CTNNA3: variants seen among roughly 807,000 people sequenced by gnomAD.
The protein encoded by CTNNA3 is catenin alpha 3, also known as catenin alpha-3.
Under a neutral mutation model 95.7 loss-of-function variants are expected in CTNNA3, and 76 were observed. The observed-to-expected ratio is 0.79, with a 90% CI of 0.66 to 0.96. CTNNA3 has a LOEUF of 0.96. Among genes scored for constraint, CTNNA3 ranks in the 40% least tolerant of loss-of-function variants. CTNNA3 has a pLI of 0.00. For synonymous variants in CTNNA3, 431 were observed against 374.4 expected (o/e 1.15, Z -1.74); for missense variants, 1,191 against 1,089.8 (o/e 1.09, Z -1.31).
intron 7 of CTNNA3, among the ~76,000 whole-genome samples, chr10:67,140,619 G>A (rs941595451): frequency 6.6e-6 from 1 of 152,162 alleles, no homozygotes; most frequent in Admixed American, 6.5e-5. Context: ...CAGCTAAAAT[G>A]TATGAAAAGC....
chr10:66,443,855 T>C (rs1294722128), intron 11 of CTNNA3, among the ~76,000 whole-genome samples: 1 of 152,146 alleles, frequency 6.6e-6, no homozygotes, highest in East Asian at 1.9e-4. Flanking sequence ...AGAAGAAGGC[T>C]TCAGACGATC....
intron 5 of CTNNA3, among the ~76,000 whole-genome samples, chr10:67,339,325 C>T (rs1842099738): frequency 6.6e-6 from 1 of 152,228 alleles, no homozygotes; most frequent in Admixed American, 6.5e-5. Context: ...TTGGGCAAAG[C>T]TAATGACTTA....
chr10:65,921,947 T>TTGACATAA lies in CTNNA3; in HGVS notation c.2401-1331_2401-1330insTTATGTCA, dbSNP rs556987121. 3.5e-3 allele frequency among the ~76,000 whole-genome samples: 531 copies of TTGACATAA among 152,290 alleles called. 3 individuals carry two copies. Among genetic ancestry groups the TTGACATAA allele is most frequent in the African/African-American group, 0.012 (486 of 41,554 alleles). On this transcript the variant is annotated intron_variant, in intron 17 of 17. Coordinates refer to ENST00000433211, the MANE Select transcript of CTNNA3 (RefSeq NM_013266.4). ...AATTGCTAATATCTATTATATGCTG[T>TTGACATAA]AGTATGCAGTTGACATAAAGTAACT...
rs1564896940 is a variant in CTNNA3, at chr10:66,360,764, C to CT, written c.1732+18387dup. ...TCTTTCTTCCTTCCTTCCTTCCTTC[C>CT]TTCCTTTTCTTTCTTTCTTTCTTCC... On this transcript the variant is annotated intron_variant, in intron 12 of 17. Coordinates refer to ENST00000433211, the MANE Select transcript of CTNNA3 (RefSeq NM_013266.4). Among the ~76,000 whole-genome samples, 891 of 95,480 alleles carry CT rather than the reference C, an allele frequency of 9.3e-3. 112 individuals are homozygous for CT. Among genetic ancestry groups the CT allele is most frequent in the Middle Eastern group, 0.024 (4 of 168 alleles). The allele number at this position is 95,480 out of a possible 152,430, so 62.6% of individuals were successfully genotyped here. A position where few individuals can be genotyped will look rare whatever the true frequency, so the allele number is the denominator to read the frequency against.
chr10:66,559,646 G>A (rs1842492956), intron 10 of CTNNA3, among the ~76,000 whole-genome samples: 1 of 151,790 alleles, frequency 6.6e-6, no homozygotes, highest in Non-Finnish European at 1.5e-5. Context: ...CCCCCCGCTC[G>A]GGTATCACGA....
At chr10:67,357,519 A>G (rs1022890201) in intron 5 of CTNNA3, among the ~76,000 whole-genome samples, 1 of 152,142 alleles carries the variant, frequency 6.6e-6, no homozygotes, top group African/African-American at 2.4e-5. Flanking sequence ...AAAACCTAAC[A>G]ACACAACTGA....
intron 7 of CTNNA3, among the ~76,000 whole-genome samples, chr10:67,021,864 G>C (rs1234774290): frequency 6.6e-6 from 1 of 152,132 alleles, no homozygotes; most frequent in Non-Finnish European, 1.5e-5. Context: ...CAGGAGTGAA[G>C]TACTAGGAGT....
chr10:66,799,358 T>C lies in CTNNA3; in HGVS notation c.1048-23834A>G, dbSNP rs944971287. On this transcript the variant is annotated intron_variant, in intron 7 of 17. Coordinates refer to ENST00000433211, the MANE Select transcript of CTNNA3 (RefSeq NM_013266.4). ...TAATTAATATTTCAATAAAAATGAG[T>C]AATAGAGAGACAAAATGTATGAAAA... 3.4e-4 allele frequency among the ~76,000 whole-genome samples: 52 copies of C among 151,228 alleles called. 4 individuals carry two copies.
intron 13 of CTNNA3, among the ~76,000 whole-genome samples, chr10:66,128,928 G>A (rs1403833190): frequency 6.6e-6 from 1 of 151,492 alleles, no homozygotes; most frequent in Non-Finnish European, 1.5e-5. Flanking sequence ...CAATTCTGCT[G>A]TGAACCTAAA....
At chr10:67,671,651 T>C (rs1317174303) in intron 1 of CTNNA3, among the ~76,000 whole-genome samples, 1 of 151,738 alleles carries the variant, frequency 6.6e-6, no homozygotes, top group African/African-American at 2.4e-5. Flanking sequence ...AGAATGATGG[T>C]TTCCAGTTTC....
At chr10:66,310,657 G>A (rs899359755) in intron 12 of CTNNA3, among the ~76,000 whole-genome samples, 2 of 148,886 alleles carry the variant, frequency 1.3e-5, no homozygotes, top group African/African-American at 4.9e-5. Flanking sequence ...CCATATTCCA[G>A]TTGAGCAATA....
intron 7 of CTNNA3, among the ~76,000 whole-genome samples, chr10:66,883,930 GT>G (rs775234890): frequency 2.0e-5 from 3 of 152,006 alleles, no homozygotes; most frequent in African/African-American, 4.8e-5. Flanking sequence ...TTTAAAAAAA[GT>G]TTATTTGACT....
intron 17 of CTNNA3, among the ~76,000 whole-genome samples, chr10:65,954,542 C>A (rs1433347556): frequency 6.6e-6 from 1 of 152,176 alleles, no homozygotes; most frequent in Admixed American, 6.5e-5. Flanking sequence ...AGTCTTTAAT[C>A]CATCTTGACT....
At chr10:67,101,617 T>C (rs1858348424) in intron 7 of CTNNA3, among the ~76,000 whole-genome samples, 1 of 151,716 alleles carries the variant, frequency 6.6e-6, no homozygotes, top group African/African-American at 2.4e-5. Flanking sequence ...CTATACAGAT[T>C]AATACAAATT....
chr10:67,318,133 C>G (rs1023719581), intron 5 of CTNNA3, among the ~76,000 whole-genome samples: 1 of 151,952 alleles, frequency 6.6e-6, no homozygotes. Context: ...TGTTTTACCC[C>G]CTACTTACTC....
chr10:67,722,904 G>A (rs2133620696), intron 1 of CTNNA3, among the ~76,000 whole-genome samples: 1 of 151,472 alleles, frequency 6.6e-6, no homozygotes, highest in South Asian at 2.1e-4. Context: ...GATTTCTTAT[G>A]ATAAAGAAAC....
intron 13 of CTNNA3, among the ~76,000 whole-genome samples, chr10:66,136,654 G>A (rs563073971): frequency 6.6e-6 from 1 of 152,172 alleles, no homozygotes; most frequent in East Asian, 1.9e-4. Flanking sequence ...TGTAATTACT[G>A]CACAATGGCC....
chr10:67,240,704 T>G (rs1009401902), intron 5 of CTNNA3, among the ~76,000 whole-genome samples: 1 of 152,190 alleles, frequency 6.6e-6, no homozygotes, highest in Non-Finnish European at 1.5e-5. Context: ...GTGTGCATTC[T>G]GGGCCATTAA....
At chr10:67,437,180 A>T (rs1047026429) in intron 5 of CTNNA3, among the ~76,000 whole-genome samples, 17 of 152,290 alleles carry the variant, frequency 1.1e-4, no homozygotes, top group African/African-American at 4.1e-4. Flanking sequence ...AGCGACCTGG[A>T]TGAGATTGGA....
Sources: allele counts gnomAD v4.1 joint callset (sites outside exome capture counted in the v4.1 genomes callset), GRCh38; gene constraint gnomAD v4.1.1; transcripts MANE v1.5; gene names NCBI Gene and HGNC (gene_info 2026-07-23, HGNC 2026-07-21).